The following MMD2 variants were observed in gnomAD, a reference collection of about 807,000 sequenced individuals.
MMD2 encodes monocyte to macrophage differentiation factor 2.
Under a neutral mutation model 33.5 loss-of-function variants are expected in MMD2, and 30 were observed. The ratio of observed to expected loss-of-function variants is 0.90; its 90% CI spans 0.67 to 1.22. The LOEUF is 1.22. Ranked by LOEUF, MMD2 falls within the 50% of genes most tolerant of loss-of-function variation. MMD2 has a pLI of 0.00. For synonymous variants in MMD2, 129 were observed against 123.0 expected, an observed-to-expected ratio of 1.05 and a Z score of -0.32; for missense variants, 364 against 325.4, an observed-to-expected ratio of 1.12 and a Z score of -0.91.
At chr7:4,895,788 C>T in the MMD2 span, among the ~76,000 whole-genome samples, 83 of 152,124 alleles carry the variant, frequency 5.5e-4, 1 homozygote, top group African/African-American at 1.7e-3. Flanking sequence ...CCCATCTTGG[C>T]CTCCCAAAGT....
intron 4 of MMD2, among the ~76,000 whole-genome samples, chr7:4,911,592 T>C (rs1356853115): frequency 1.1e-5 from 1 of 87,034 alleles, no homozygotes; most frequent in Non-Finnish European, 2.0e-5. Context: ...AAAGCAATGC[T>C]GTTTTGTTTT....
At chr7:4,949,731 C>G (rs1327287212) in intron 1 of MMD2, among the ~76,000 whole-genome samples, 1 of 151,914 alleles carries the variant, frequency 6.6e-6, no homozygotes, top group Non-Finnish European at 1.5e-5. Flanking sequence ...AGGATGGTCT[C>G]GAACTCCTGA....
chr7:4,933,113 C>A (rs1183070247), intron 1 of MMD2, among the ~76,000 whole-genome samples: 1 of 152,084 alleles, frequency 6.6e-6, no homozygotes, highest in Non-Finnish European at 1.5e-5. Flanking sequence ...CGGCAGCTCA[C>A]GCCTGTAATC....
intron 1 of MMD2, among the ~76,000 whole-genome samples, chr7:4,947,543 G>A (rs1786122431): frequency 1.4e-5 from 2 of 141,394 alleles, no homozygotes; most frequent in Admixed American, 1.5e-4. Flanking sequence ...ACAGGCGCAT[G>A]CCTCCAGGCC....
chr7:4,898,590 A>G, the MMD2 span, among the ~76,000 whole-genome samples: 2,225 of 152,170 alleles, frequency 0.015, 48 homozygotes, highest in African/African-American at 0.051. Context: ...CTCCAAGGTG[A>G]TGGTATTAAG....
At chr7:4,914,747 A>G (rs1367401219) in intron 4 of MMD2, among the ~76,000 whole-genome samples, 1 of 152,146 alleles carries the variant, frequency 6.6e-6, no homozygotes, top group Non-Finnish European at 1.5e-5. Context: ...CCTGGCCAAC[A>G]TGGTGAAACC....
chr7:4,929,850 TAAC>T lies in MMD2; in HGVS notation c.48-4321_48-4319del, dbSNP rs1465172917. On this transcript the variant is annotated intron_variant, in intron 1 of 6. Coordinates refer to ENST00000401401, the MANE Select transcript of MMD2 (RefSeq NM_198403.4). ...GACTGGCTTATTAACTAATAAGTAA[TAAC>T]AACGAAAATAGTGATATGGGTTGAA... Among the ~76,000 whole-genome samples, 7 of 152,158 alleles carry T rather than the reference TAAC, an allele frequency of 4.6e-5. No homozygotes were observed. The East Asian group carries it at 1.4e-3, about 30-fold the overall frequency.
At chr7:4,942,232 C>T (rs557777963) in intron 1 of MMD2, among the ~76,000 whole-genome samples, 1 of 151,362 alleles carries the variant, frequency 6.6e-6, no homozygotes, top group Non-Finnish European at 1.5e-5. Flanking sequence ...GGATTACAGG[C>T]ATGAGCCACC....
At chr7:4,917,369 C>T (rs1016117993) in intron 3 of MMD2, among the ~76,000 whole-genome samples, 1 of 151,978 alleles carries the variant, frequency 6.6e-6, no homozygotes, top group South Asian at 2.1e-4. Context: ...TCAATAAATA[C>T]CAGCTGTTTT....
the MMD2 span, among the ~76,000 whole-genome samples, chr7:4,894,246 G>C: frequency 6.6e-6 from 1 of 152,154 alleles, no homozygotes; most frequent in Non-Finnish European, 1.5e-5. The surrounding 1 kb of genome is among the most constrained non-coding windows in gnomAD (Gnocchi z 4.3). Context: ...TTACGACCTA[G>C]CCGCCATGTT....
intron 1 of MMD2, among the ~76,000 whole-genome samples, chr7:4,929,509 G>A (rs1455066061): frequency 6.6e-6 from 1 of 151,794 alleles, no homozygotes; most frequent in Non-Finnish European, 1.5e-5. Flanking sequence ...TTGTTTGTTT[G>A]TTTGTTTTTT....
In MMD2 at chr7:4,911,734, C is replaced by T. The variant is rs188179355; in HGVS notation, c.366-488G>A. ...CACAATCTCGGCTCACTGCAACCTC[C>T]GCCACCCGGGTTCAAGCGATTCTCC... On this transcript the variant is annotated intron_variant, in intron 4 of 6. Transcript: ENST00000401401. Among the ~76,000 whole-genome samples, 507 of 152,030 alleles carry T rather than the reference C, an allele frequency of 3.3e-3. 17 individuals carry two copies. The East Asian group carries it at 0.084, about 25-fold the overall frequency.
intron 6 of MMD2, 124 bp downstream of exon 6, chr7:4,909,757 T>A (rs775479806): frequency 7.5e-7 from 1 of 1,326,750 alleles, no homozygotes; most frequent in Non-Finnish European, 1.1e-6. Flanking sequence ...AGACAAGTCA[T>A]GCCAGGCCTC....
chr7:4,935,321 C>T (rs980417908), intron 1 of MMD2, among the ~76,000 whole-genome samples: 3 of 152,146 alleles, frequency 2.0e-5, no homozygotes, highest in Non-Finnish European at 2.9e-5. Flanking sequence ...CACTGCACTC[C>T]AGCCTGGGCC....
chr7:4,946,778 C>G lies in MMD2; in HGVS notation c.47+12193G>C, dbSNP rs780950540. Among the ~76,000 whole-genome samples the G allele has an allele frequency of 1.3e-5, 2 of 152,144 alleles. No homozygotes were observed. The highest frequency in any genetic ancestry group is 2.9e-5 in the Non-Finnish European group (2 of 68,028). On this transcript the variant is annotated intron_variant, in intron 1 of 6. Transcript: ENST00000401401. This position sits in a 1 kb window ranked among gnomAD's most constrained non-coding sequence, Gnocchi z 5.0. Reference sequence around the variant, plus strand: ...ACAGGGTCTGGTTCTGTTGCCCAAGCTGGAGTGCAGTGGTGCAATCATAGC... The same window carrying G: ...ACAGGGTCTGGTTCTGTTGCCCAAGGTGGAGTGCAGTGGTGCAATCATAGC...
intron 1 of MMD2, among the ~76,000 whole-genome samples, chr7:4,957,706 T>C (rs1786425670): frequency 6.6e-6 from 1 of 151,016 alleles, no homozygotes; most frequent in Non-Finnish European, 1.5e-5. Context: ...ACAGAGTCAA[T>C]CCGCAGGAAC....
At position 4,907,056 on chromosome 7, in the gene MMD2, C is replaced by A; in HGVS notation, c.*340G>T. ...CCACAGGACTCTTTGCCAGATTCTTCAGGACCTTAGGAAACACAGATTGGC... is the reference window on the plus strand; with the variant it reads ...CCACAGGACTCTTTGCCAGATTCTTAAGGACCTTAGGAAACACAGATTGGC... On this transcript the variant is annotated 3_prime_UTR_variant, in exon 7 of 7. Coordinates refer to ENST00000401401, the MANE Select transcript of MMD2 (RefSeq NM_198403.4). The A allele has an allele frequency of 3.1e-6, 1 of 317,610 alleles. No homozygotes were observed. Among genetic ancestry groups the A allele is most frequent in the East Asian group, 7.6e-5 (1 of 13,216 alleles). The allele number at this position is 317,610 out of a possible 1,614,324, so 19.7% of individuals were successfully genotyped here.
intron 6 of MMD2, among the ~76,000 whole-genome samples, chr7:4,908,190 A>G (rs1360848680): frequency 2.0e-5 from 3 of 146,998 alleles, no homozygotes; most frequent in African/African-American, 5.1e-5. Flanking sequence ...TGCCCAGGCT[A>G]GAGTGCAGTA....
intron 1 of MMD2, among the ~76,000 whole-genome samples, chr7:4,944,207 C>T (rs945110366): frequency 1.3e-5 from 2 of 151,556 alleles, no homozygotes; most frequent in East Asian, 4.0e-4. Context: ...CCCAGGAGTT[C>T]GAGGCTGCAG....
Sources: gnomAD v4.1 joint callset for allele counts (sites outside exome capture counted in the v4.1 genomes callset) on GRCh38, gnomAD v4.1.1 for gene constraint, Gnocchi (gnomAD v3.1) non-coding constraint, MANE v1.5 for transcripts, NCBI Gene and HGNC (gene_info 2026-07-23, HGNC 2026-07-21) for gene names.